C12orf54: variants seen among roughly 807,000 people sequenced by gnomAD.
C12orf54 encodes the protein uncharacterized protein C12orf54.
C12orf54 carries 24 observed loss-of-function variants against 26.4 expected under a neutral mutation model. The observed-to-expected ratio is 0.91, with a 90% CI of 0.66 to 1.28. C12orf54 has a LOEUF of 1.28. Ranked by LOEUF, C12orf54 falls within the 50% of genes most tolerant of loss-of-function variation. The probability of loss-of-function intolerance (pLI) is 0.00; values close to 1 mark genes in which losing one functional copy is unlikely to be tolerated. For missense variants in C12orf54, 154 were observed against 150.9 expected (o/e 1.02, Z -0.11); for synonymous variants, 54 against 47.0 (o/e 1.15, Z -0.61).
the C12orf54 span, among the ~76,000 whole-genome samples, chr12:48,435,055 G>A: frequency 6.6e-6 from 1 of 152,126 alleles, no homozygotes; most frequent in African/African-American, 2.4e-5. Context: ...CCAATGCAGA[G>A]AAATCCTTAA....
the C12orf54 span, among the ~76,000 whole-genome samples, chr12:48,421,373 G>A: frequency 1.3e-5 from 2 of 152,106 alleles, no homozygotes; most frequent in Non-Finnish European, 2.9e-5. Context: ...ACTCCAAAGA[G>A]GGTGGTGTTA....
At chr12:48,453,540 CAT>C in the C12orf54 span, among the ~76,000 whole-genome samples, 1 of 31,946 alleles carries the variant, frequency 3.1e-5, no homozygotes, top group Non-Finnish European at 8.3e-5. Flanking sequence ...TATACACATA[CAT>C]ATATATACAC....
the C12orf54 span, among the ~76,000 whole-genome samples, chr12:48,447,618 C>A: frequency 6.6e-6 from 1 of 152,126 alleles, no homozygotes; most frequent in Non-Finnish European, 1.5e-5. Flanking sequence ...CCATACATAA[C>A]CACTATCCTA....
the C12orf54 span, among the ~76,000 whole-genome samples, chr12:48,456,911 A>G: frequency 6.6e-6 from 1 of 152,086 alleles, no homozygotes; most frequent in Non-Finnish European, 1.5e-5. Context: ...CAAATCAAGG[A>G]AAGCATATTA....
At chr12:48,493,027 G>C (rs909206068) in intron 7 of C12orf54, 32 bp downstream of exon 7, 11 of 1,593,816 alleles carry the variant, frequency 6.9e-6, no homozygotes, top group Non-Finnish European at 9.5e-6. Context: ...ATGTTCAAGG[G>C]AGATGGCACC....
chr12:48,430,816 TC>T, the C12orf54 span, among the ~76,000 whole-genome samples: 1 of 152,000 alleles, frequency 6.6e-6, no homozygotes, highest in African/African-American at 2.4e-5. Context: ...CAGAGGAAAA[TC>T]AATCATTACA....
chr12:48,458,288 G>T, the C12orf54 span, among the ~76,000 whole-genome samples: 1 of 152,218 alleles, frequency 6.6e-6, no homozygotes, highest in Non-Finnish European at 1.5e-5. Context: ...GAGAATATTT[G>T]TTGATTGGTA....
At chr12:48,460,988 A>C in the C12orf54 span, among the ~76,000 whole-genome samples, 1 of 151,964 alleles carries the variant, frequency 6.6e-6, no homozygotes, top group African/African-American at 2.4e-5. Flanking sequence ...GATTTTTTAA[A>C]AAGAAGGAAA....
At chr12:48,435,651 C>G in the C12orf54 span, among the ~76,000 whole-genome samples, 1 of 152,150 alleles carries the variant, frequency 6.6e-6, no homozygotes, top group South Asian at 2.1e-4. Context: ...ATTTCATATC[C>G]AGCCAAAGTA....
chr12:48,472,355 C>T, the C12orf54 span, among the ~76,000 whole-genome samples: 10 of 152,044 alleles, frequency 6.6e-5, no homozygotes, highest in East Asian at 3.9e-4. Flanking sequence ...TATACTATGG[C>T]GTGGCCTAGA....
At chr12:48,422,993 T>A in the C12orf54 span, among the ~76,000 whole-genome samples, 1 of 152,178 alleles carries the variant, frequency 6.6e-6, no homozygotes, top group Non-Finnish European at 1.5e-5. Context: ...CAGACAGCAT[T>A]GCCAAACTAT....
chr12:48,430,492 A>C, the C12orf54 span, among the ~76,000 whole-genome samples: 1 of 152,226 alleles, frequency 6.6e-6, no homozygotes, highest in Non-Finnish European at 1.5e-5. Context: ...TGGGCTAAGG[A>C]CATGAATAGA....
chr12:48,427,094 G>C, the C12orf54 span, among the ~76,000 whole-genome samples: 1 of 150,940 alleles, frequency 6.6e-6, no homozygotes, highest in Non-Finnish European at 1.5e-5. Flanking sequence ...CTGATTGGTG[G>C]ACAGGTCTTC....
At chr12:48,469,985 G>A in the C12orf54 span, among the ~76,000 whole-genome samples, 2 of 152,106 alleles carry the variant, frequency 1.3e-5, no homozygotes, top group Admixed American at 6.5e-5. Flanking sequence ...TAGGATTATG[G>A]CCTCCATCTC....
At chr12:48,424,289 T>C in the C12orf54 span, among the ~76,000 whole-genome samples, 1 of 152,146 alleles carries the variant, frequency 6.6e-6, no homozygotes, top group Non-Finnish European at 1.5e-5. Flanking sequence ...TTCATGAGGA[T>C]ATTTGTTCGG....
chr12:48,479,136 G>C (rs912035701), upstream of C12orf54, among the ~76,000 whole-genome samples: 13 of 152,288 alleles, frequency 8.5e-5, no homozygotes, highest in Admixed American at 7.8e-4. Flanking sequence ...TGATAGACTG[G>C]ATTAAGAAAA....
the C12orf54 span, among the ~76,000 whole-genome samples, chr12:48,451,825 A>G: frequency 6.6e-6 from 1 of 152,368 alleles, no homozygotes; most frequent in East Asian, 1.9e-4. Flanking sequence ...ACCACTGCTC[A>G]AAGAAATCAG....
chr12:48,468,021 A>T, the C12orf54 span, among the ~76,000 whole-genome samples: 1 of 152,132 alleles, frequency 6.6e-6, no homozygotes, highest in African/African-American at 2.4e-5. Flanking sequence ...TTTATTCTAC[A>T]TACATTTGAG....
the C12orf54 span, among the ~76,000 whole-genome samples, chr12:48,421,033 T>TTCCTC: frequency 6.6e-6 from 1 of 152,198 alleles, no homozygotes; most frequent in Admixed American, 6.5e-5. Flanking sequence ...TCTACTCCTA[T>TTCCTC]TCCTCTCCTC....
Sources: allele counts gnomAD v4.1 joint callset (sites outside exome capture counted in the v4.1 genomes callset), GRCh38; gene constraint gnomAD v4.1.1; transcripts MANE v1.5; gene names NCBI Gene and HGNC (gene_info 2026-07-23, HGNC 2026-07-21).